The following PLXNA4 variants were observed in gnomAD, a reference collection of about 807,000 sequenced individuals.
PLXNA4 encodes plexin-A4.
In PLXNA4, 44 loss-of-function variants were observed where a neutral mutation model predicts 191.8. The ratio of observed to expected loss-of-function variants is 0.23; its 90% CI spans 0.18 to 0.29. PLXNA4 has a LOEUF of 0.29. Ranked by LOEUF, PLXNA4 falls within the 10% of genes least tolerant of loss-of-function variation. PLXNA4 has a pLI of 1.00. For synonymous variants in PLXNA4, 1,082 were observed against 1,009.5 expected (o/e 1.07, Z -1.36); for missense variants, 1,800 against 2,488.8 (o/e 0.72, Z 5.89).
intron 2 of PLXNA4, among the ~76,000 whole-genome samples, chr7:132,642,247 A>T (rs1054831999): frequency 8.5e-5 from 13 of 152,174 alleles, no homozygotes; most frequent in Admixed American, 4.6e-4. Context: ...ATATGTCGAA[A>T]GCCAACATTT....
At chr7:132,367,603 G>C (rs1416648007) in intron 3 of PLXNA4, 2 of 152,284 alleles carry the variant, frequency 1.3e-5, no homozygotes, top group Non-Finnish European at 2.9e-5. Flanking sequence ...AGAATCACGA[G>C]TACAGAATAA....
At chr7:132,592,517 AC>A (rs927259846) in intron 2 of PLXNA4, among the ~76,000 whole-genome samples, 1 of 72,224 alleles carries the variant, frequency 1.4e-5, no homozygotes, top group African/African-American at 4.8e-5. Flanking sequence ...ATTTAATTTA[AC>A]CTTTTTTTTT....
In PLXNA4 at chr7:132,467,986, A is replaced by G. The variant is rs116015591; in HGVS notation, c.1371+21306T>C. ...CTGCACATGGCTCTCACACTTGCAC[A>G]CACATGCACACAGCTCCAGCTGGCT... is the stretch of plus-strand genomic sequence containing the variant. On this transcript the variant is annotated intron_variant, in intron 3 of 31. Transcript: ENST00000321063. Among the ~76,000 whole-genome samples the G allele has an allele frequency of 2.1e-3, 326 of 152,268 alleles. 1 individual carries two copies. The highest frequency in any genetic ancestry group is 7.3e-3 in the African/African-American group (305 of 41,558).
At chr7:132,365,774 AT>A (rs1210569449) in intron 3 of PLXNA4, 6 of 152,206 alleles carry the variant, frequency 3.9e-5, no homozygotes, top group African/African-American at 1.4e-4. Flanking sequence ...TTGAAACTCA[AT>A]TCCTTTGAGA....
intron 4 of PLXNA4, among the ~76,000 whole-genome samples, chr7:132,252,857 G>A (rs1799303797): frequency 6.6e-6 from 1 of 150,542 alleles, no homozygotes. Flanking sequence ...AAAAAATCGT[G>A]GCACATCTAC....
At chr7:132,287,848 G>A (rs1005631720) in intron 4 of PLXNA4, among the ~76,000 whole-genome samples, 17 of 152,128 alleles carry the variant, frequency 1.1e-4, no homozygotes, top group African/African-American at 3.9e-4. Context: ...CTTGTGTCAG[G>A]CTACAACAAA....
Position 132,508,002 on chromosome 7 carries a change from G to T in PLXNA4, c.692C>A (p.Ser231Ter). 1 of 1,614,236 alleles carries T rather than the reference G, an allele frequency of 6.2e-7. No individual in the cohort carries two copies. Among genetic ancestry groups the T allele is most frequent in the Non-Finnish European group, 8.5e-7 (1 of 1,180,050 alleles). Residue 231 changes from serine (S) to a stop codon, truncating the protein, a stop_gained, in exon 2 of 32, where the codon TCG (serine) becomes TAG (stop). Transcript: ENST00000321063. LOFTEE classifies it high-confidence loss of function. The surrounding 1 kb of genome is among the most constrained non-coding windows in gnomAD (Gnocchi z 4.4). ...EFVASMIKIP[S>*]DTFTIIPDFD... ...GTCAGGGATGATGGTGAAGGTGTCC[G>T]AAGGGATCTTAATCATCGAGGCCAC...
chr7:132,440,240 T>G (rs1795644012), intron 3 of PLXNA4, among the ~76,000 whole-genome samples: 1 of 152,224 alleles, frequency 6.6e-6, no homozygotes, highest in Non-Finnish European at 1.5e-5. Flanking sequence ...GACAAACACC[T>G]GGAAGGTGCT....
chr7:132,553,303 C>T (rs1205342877), intron 1 of PLXNA4, among the ~76,000 whole-genome samples: 2 of 152,178 alleles, frequency 1.3e-5, no homozygotes, highest in Admixed American at 1.3e-4. Flanking sequence ...CTCTCAGCAG[C>T]CCTTAGGCTA....
chr7:132,276,771 T>A (rs759641153), intron 4 of PLXNA4, among the ~76,000 whole-genome samples: 3 of 152,172 alleles, frequency 2.0e-5, no homozygotes, highest in Non-Finnish European at 4.4e-5. Flanking sequence ...AAGACATTTT[T>A]TCCTCTCTCT....
At chr7:132,135,886 C>T (rs775138229) in intron 30 of PLXNA4, among the ~76,000 whole-genome samples, 10 of 152,240 alleles carry the variant, frequency 6.6e-5, no homozygotes, top group African/African-American at 1.4e-4. Flanking sequence ...AATCAGGGCA[C>T]GTCTGTGGCC....
intron 2 of PLXNA4, among the ~76,000 whole-genome samples, chr7:132,594,523 A>G (rs1321284280): frequency 6.6e-6 from 1 of 152,222 alleles, no homozygotes; most frequent in East Asian, 1.9e-4. Flanking sequence ...GTTGGACTTG[A>G]TTTGCAGCTT....
At chr7:132,280,095 G>A (rs1800424281) in intron 4 of PLXNA4, among the ~76,000 whole-genome samples, 1 of 152,020 alleles carries the variant, frequency 6.6e-6, no homozygotes, top group South Asian at 2.1e-4. Context: ...ACAAATTCTG[G>A]TCATGACCCT....
intron 25 of PLXNA4, among the ~76,000 whole-genome samples, chr7:132,154,682 C>T (rs1247244406): frequency 6.6e-6 from 1 of 152,108 alleles, no homozygotes; most frequent in Non-Finnish European, 1.5e-5. Flanking sequence ...TGGCATGGCT[C>T]CAGACAGTGT....
At chr7:132,559,595 A>G (rs965089277) in intron 1 of PLXNA4, among the ~76,000 whole-genome samples, 1 of 152,192 alleles carries the variant, frequency 6.6e-6, no homozygotes, top group Admixed American at 6.5e-5. Context: ...GAGGGTTGAA[A>G]GTGTCTGGGA....
intron 3 of PLXNA4, among the ~76,000 whole-genome samples, chr7:132,333,260 G>A (rs1294490223): frequency 2.0e-5 from 3 of 152,158 alleles, no homozygotes; most frequent in Admixed American, 6.5e-5. Context: ...CACAACTGGG[G>A]CTTGTTGAGG....
intron 1 of PLXNA4, among the ~76,000 whole-genome samples, chr7:132,511,273 A>T (rs1798704854): frequency 6.6e-6 from 1 of 152,182 alleles, no homozygotes; most frequent in Non-Finnish European, 1.5e-5. Flanking sequence ...GTTCCCTGGG[A>T]TCAGAATTGT....
chr7:132,294,133 A>T (rs1800990793), intron 4 of PLXNA4, among the ~76,000 whole-genome samples: 1 of 152,256 alleles, frequency 6.6e-6, no homozygotes, highest in South Asian at 2.1e-4. Flanking sequence ...GGATAAAAAT[A>T]GAGCCAGGAG....
At chr7:132,552,735 C>T (rs1800616094) in intron 1 of PLXNA4, among the ~76,000 whole-genome samples, 1 of 152,178 alleles carries the variant, frequency 6.6e-6, no homozygotes, top group Non-Finnish European at 1.5e-5. Context: ...AAACACTGGA[C>T]AGAAGAAAAG....
Sources: allele counts gnomAD v4.1 joint callset (sites outside exome capture counted in the v4.1 genomes callset), GRCh38; gene constraint gnomAD v4.1.1; non-coding constraint Gnocchi (gnomAD v3.1); transcripts MANE v1.5; gene names NCBI Gene and HGNC (gene_info 2026-07-23, HGNC 2026-07-21).